The following SAA2 variants were observed in gnomAD, a reference collection of about 807,000 sequenced individuals.
SAA2 encodes serum amyloid A-2 protein.
A neutral mutation model predicts 9.1 loss-of-function variants in SAA2; 5 were observed. The ratio of observed to expected loss-of-function variants is 0.55; its 90% CI spans 0.29 to 1.16. SAA2 has a LOEUF of 1.16. SAA2 is among the 50% of genes most tolerant of loss of function. SAA2 has a pLI of 0.09. For missense variants in SAA2, 94 were observed against 153.8 expected (o/e 0.61, Z 2.06); for synonymous variants, 49 against 59.8 (o/e 0.82, Z 0.83).
intron 3 of SAA2, 72 bp from the exon 4 acceptor site, chr11:18,245,587 C>T: frequency 6.3e-7 from 1 of 1,583,258 alleles, no homozygotes; most frequent in Non-Finnish European, 8.6e-7. Flanking sequence ...CCCATTCTCC[C>T]CGTTCCAAGG....
At chr11:18,245,543 T>A in intron 3 of SAA2, 28 bp from the exon 4 acceptor site, 1 of 1,613,064 alleles carries the variant, frequency 6.2e-7, no homozygotes, top group Non-Finnish European at 8.5e-7. Flanking sequence ...AAGAAGGAGA[T>A]TAATCATCAG....
At chr11:18,242,944 G>A, downstream of SAA2, 2 of 623,200 alleles carry the variant, frequency 3.2e-6, no homozygotes, top group Admixed American at 2.4e-5. Context: ...AATTCTTACT[G>A]AGGAAAACCA....
At chr11:18,241,716 A>C (rs1857351403), downstream of SAA2, among the ~76,000 whole-genome samples, 1 of 152,208 alleles carries the variant, frequency 6.6e-6, no homozygotes, top group Non-Finnish European at 1.5e-5. Flanking sequence ...ACATGGACAT[A>C]GAAAGTGGAA....
downstream of SAA2, among the ~76,000 whole-genome samples, chr11:18,243,613 C>T (rs1857413396): frequency 6.6e-6 from 1 of 152,172 alleles, no homozygotes; most frequent in South Asian, 2.1e-4. Flanking sequence ...ACTCAAACCT[C>T]CTATACCTCC....
intron 2 of SAA2, among the ~76,000 whole-genome samples, 165 bp from the exon 3 acceptor site, chr11:18,246,213 C>A (rs1459797167): frequency 4.6e-5 from 7 of 151,950 alleles, no homozygotes; most frequent in Non-Finnish European, 1.0e-4. Flanking sequence ...ATTCCTTTAT[C>A]CTAGTTGGCT....
intron 3 of SAA2, chr11:18,240,075 G>A (rs896802004): frequency 7.0e-7 from 1 of 1,432,060 alleles, no homozygotes; most frequent in African/African-American, 1.4e-5. Context: ...TGGGGTACCG[G>A]TGATTATATA....
At chr11:18,239,643 A>C in exon 4 of SAA2, 1 of 426,714 alleles carries the variant, frequency 2.3e-6, no homozygotes, top group Non-Finnish European at 4.1e-6. Context: ...CAATATCTCC[A>C]TCAGGGATTC....
chr11:18,246,279 G>T (rs1857531509), intron 2 of SAA2, among the ~76,000 whole-genome samples: 2 of 152,188 alleles, frequency 1.3e-5, no homozygotes, highest in Non-Finnish European at 2.9e-5. Context: ...CCTATGATAA[G>T]ATCCAGGAGT....
chr11:18,240,380 A>T (rs1473771872), downstream of SAA2: 2 of 689,000 alleles, frequency 2.9e-6, no homozygotes, highest in Non-Finnish European at 5.3e-6. Flanking sequence ...AGAGCAGAGA[A>T]TAGCCTCTTC....
At chr11:18,242,787 C>T, downstream of SAA2, 2 of 701,458 alleles carry the variant, frequency 2.9e-6, no homozygotes, top group Non-Finnish European at 5.2e-6. Context: ...GTCGAGGTTG[C>T]AGTGAGCCAT....
At position 18,245,494 on chromosome 11, in the gene SAA2, C is replaced by G; in HGVS notation, c.252G>C (p.Gln84His). Reference sequence around the variant, plus strand: ...CCTCCGCACCACGGCCTGTGAGTCTCTGGATATTCTCTCTGGCATTGCTGT... The same window carrying G: ...CCTCCGCACCACGGCCTGTGAGTCTGTGGATATTCTCTCTGGCATTGCTGT... Reference protein sequence around the residue: ...EVISNARENIQRLTGRGAEDS... With the variant: ...EVISNARENIHRLTGRGAEDS... The change falls in exon 4 of 4, where the codon CAG becomes CAC. Residue 84 changes from glutamine (Q) to histidine (H), a missense_variant. Physicochemically the swap from Gln to His is conservative, Grantham distance 24. Around this residue, in one of 2 missense-constraint regions of SAA2, gnomAD observed 62 missense variants for 58.3 expected, o/e 1.06. Transcript: ENST00000256733. 1 of 1,614,122 alleles carries G rather than the reference C, an allele frequency of 6.2e-7. No individual in the cohort carries two copies. The highest frequency in any genetic ancestry group is 8.5e-7 in the Non-Finnish European group (1 of 1,179,962).
chr11:18,246,169 A>G, intron 2 of SAA2, 121 bp from the exon 3 acceptor site: 2 of 1,456,808 alleles, frequency 1.4e-6, no homozygotes, highest in Non-Finnish European at 1.8e-6. Context: ...GCCTGTGATC[A>G]TAGCAGCCTT....
chr11:18,247,243 T>A (rs1478865108), intron 2 of SAA2, among the ~76,000 whole-genome samples: 25 of 151,674 alleles, frequency 1.6e-4, no homozygotes, highest in African/African-American at 5.1e-4. Flanking sequence ...GAAGGAAGAA[T>A]GGAAACAGAA....
chr11:18,246,507 G>A (rs1376906328), intron 2 of SAA2, among the ~76,000 whole-genome samples: 1 of 152,168 alleles, frequency 6.6e-6, no homozygotes, highest in South Asian at 2.1e-4. Flanking sequence ...ATAGAGCAGC[G>A]GTTCTCCGCC....
exon 4 of SAA2, chr11:18,239,530 A>C (rs1857283059): frequency 5.0e-6 from 2 of 397,088 alleles, no homozygotes. Context: ...TTAGTTCTCC[A>C]GACCTTCTCC....
At chr11:18,240,073 C>A (rs774384622) in intron 3 of SAA2, 25 of 1,441,776 alleles carry the variant, frequency 1.7e-5, no homozygotes, top group Non-Finnish European at 2.3e-5. Flanking sequence ...AATGGGGTAC[C>A]GGTGATTATA....
chr11:18,247,830 A>T, intron 2 of SAA2, 91 bp downstream of exon 2: 1 of 1,554,962 alleles, frequency 6.4e-7, no homozygotes, highest in Non-Finnish European at 8.8e-7. Context: ...GTGGTTCAAA[A>T]GCAGCCTTCC....
chr11:18,239,072 T>G (rs1008140469), downstream of SAA2, among the ~76,000 whole-genome samples: 11 of 152,216 alleles, frequency 7.2e-5, no homozygotes, highest in Admixed American at 7.2e-4. Flanking sequence ...TCCTTATTTG[T>G]TTATAAATAT....
chr11:18,240,844 G>A (rs2061763826), downstream of SAA2, among the ~76,000 whole-genome samples: 2 of 151,956 alleles, frequency 1.3e-5, no homozygotes, highest in African/African-American at 4.8e-5. Context: ...AAAAGCAAAT[G>A]CAGCAAAAAA....
Sources: gnomAD v4.1 joint callset for allele counts (sites outside exome capture counted in the v4.1 genomes callset) on GRCh38, gnomAD v4.1.1 for gene constraint, gnomAD v4.1.1 regional missense constraint, MANE v1.5 for transcripts, NCBI Gene and HGNC (gene_info 2026-07-23, HGNC 2026-07-21) for gene names.